Variants in EPB41L4A observed in about 807,000 individuals in gnomAD.
EPB41L4A encodes band 4.1-like protein 4A.
Under a neutral mutation model 108.6 loss-of-function variants are expected in EPB41L4A, and 100 were observed. That is an observed-to-expected ratio of 0.92 (90% confidence interval 0.78 to 1.09). EPB41L4A has a LOEUF of 1.09. EPB41L4A is among the 50% of genes least tolerant of loss of function. The pLI, the probability that EPB41L4A is intolerant of heterozygous loss-of-function variation, is 0.00. For missense variants in EPB41L4A, 1,030 were observed against 842.7 expected, an observed-to-expected ratio of 1.22 and a Z score of -2.75; for synonymous variants, 319 against 289.0, an observed-to-expected ratio of 1.10 and a Z score of -1.05.
rs538943682 is a variant in EPB41L4A, at chr5:112,208,589, G to T, written c.1178+1303C>A. Among the ~76,000 whole-genome samples the T allele has an allele frequency of 3.9e-5, 6 of 152,056 alleles. No homozygotes were observed. The South Asian group carries it at 1.2e-3, about 32-fold the overall frequency. ...TGGGGACCACTAGAGGAGGAGAGGG[G>T]GCAAGGGTTGAAAACTACCTATCAC... On this transcript the variant is annotated intron_variant, in intron 13 of 22. Transcript: ENST00000261486.
chr5:112,223,858 G>A (rs577205977), intron 12 of EPB41L4A, among the ~76,000 whole-genome samples: 2 of 152,286 alleles, frequency 1.3e-5, no homozygotes, highest in Admixed American at 6.5e-5. Context: ...TATTCATCTC[G>A]TCAGTTTGGA....
chr5:112,397,454 T>C (rs1761435229), intron 1 of EPB41L4A, among the ~76,000 whole-genome samples: 1 of 152,186 alleles, frequency 6.6e-6, no homozygotes, highest in South Asian at 2.1e-4. Context: ...CTGTGTTTGA[T>C]GCTGTGCAGA....
In EPB41L4A at chr5:112,164,078, C is replaced by T. The variant is rs1580347043; in HGVS notation, c.*912G>A. ...AGAGCAGGTGAATTAGATGGCCAAG[C>T]AGGGTGGATGGATCATTTGAGGTTT... On this transcript the variant is annotated 3_prime_UTR_variant, in exon 23 of 23. Transcript: ENST00000261486. 6.6e-6 allele frequency: 1 copy of T among 152,234 alleles called. No homozygotes were observed. The highest frequency in any genetic ancestry group is 2.4e-5 in the African/African-American group (1 of 41,440). The allele number at this position is 152,234 out of a possible 1,614,324, so 9.4% of individuals were successfully genotyped here.
At chr5:112,329,551 A>G (rs561217968) in intron 1 of EPB41L4A, among the ~76,000 whole-genome samples, 5 of 152,178 alleles carry the variant, frequency 3.3e-5, no homozygotes, top group Admixed American at 6.5e-5. Context: ...AACATCTAAT[A>G]CCAAGTCATC....
intron 1 of EPB41L4A, among the ~76,000 whole-genome samples, chr5:112,357,681 A>G (rs992487544): frequency 6.6e-6 from 1 of 152,218 alleles, no homozygotes; most frequent in Non-Finnish European, 1.5e-5. Context: ...CTTTACCTAC[A>G]CTGAGAAATG....
At position 112,381,157 on chromosome 5, in the gene EPB41L4A, A is replaced by G. The variant is rs150032250; in HGVS notation, c.99+37784T>C. On this transcript the variant is annotated intron_variant, in intron 1 of 22. Coordinates refer to ENST00000261486, the MANE Select transcript of EPB41L4A (RefSeq NM_022140.5). ...ATCAAGACTATAATACTGCTTCACA[A>G]CAGAGCCAGGTAGTTTCCTCAGATA... 2.0e-5 allele frequency among the ~76,000 whole-genome samples: 3 copies of G among 152,360 alleles called. No homozygotes were observed. The East Asian group carries it at 5.8e-4, about 29-fold the overall frequency.
chr5:112,179,709 T>C (rs1339650585), intron 18 of EPB41L4A, among the ~76,000 whole-genome samples: 1 of 152,176 alleles, frequency 6.6e-6, no homozygotes, highest in African/African-American at 2.4e-5. Context: ...TCATATATAA[T>C]GTGACATATT....
intron 1 of EPB41L4A, among the ~76,000 whole-genome samples, chr5:112,415,590 G>C (rs1039429993): frequency 6.6e-6 from 1 of 152,112 alleles, no homozygotes; most frequent in Non-Finnish European, 1.5e-5. Flanking sequence ...AAAGCAGTCT[G>C]AGCCACATTC....
At chr5:112,171,917 TG>T (rs1255032861) in intron 18 of EPB41L4A, among the ~76,000 whole-genome samples, 1 of 152,038 alleles carries the variant, frequency 6.6e-6, no homozygotes, top group East Asian at 1.9e-4. Context: ...TATTAGCATT[TG>T]GGGGGCTCAA....
chr5:112,272,388 G>T (rs149469274), intron 4 of EPB41L4A, among the ~76,000 whole-genome samples: 3 of 151,498 alleles, frequency 2.0e-5, no homozygotes, highest in African/African-American at 7.3e-5. Flanking sequence ...TGATCTGCCC[G>T]CCTTGGCCTC....
chr5:112,236,806 G>A (rs981743100), intron 11 of EPB41L4A, among the ~76,000 whole-genome samples: 1 of 152,178 alleles, frequency 6.6e-6, no homozygotes, highest in African/African-American at 2.4e-5. Context: ...GATTAGGGAC[G>A]CTTACTTTAC....
intron 1 of EPB41L4A, among the ~76,000 whole-genome samples, chr5:112,322,005 C>T (rs963898476): frequency 6.6e-6 from 1 of 152,142 alleles, no homozygotes; most frequent in Non-Finnish European, 1.5e-5. Context: ...TTCAACATTA[C>T]ATAAGTCATA....
At chr5:112,317,625 T>A (rs1755514114) in intron 1 of EPB41L4A, among the ~76,000 whole-genome samples, 1 of 152,212 alleles carries the variant, frequency 6.6e-6, no homozygotes, top group African/African-American at 2.4e-5. Context: ...CATAGAGTTT[T>A]CTAGCGGTCA....
At chr5:112,379,552 T>C (rs2112594151) in intron 1 of EPB41L4A, among the ~76,000 whole-genome samples, 2 of 152,320 alleles carry the variant, frequency 1.3e-5, no homozygotes, top group South Asian at 4.1e-4. Flanking sequence ...CTGATCATCC[T>C]GGAGTTTGGC....
intron 12 of EPB41L4A, chr5:112,228,831 G>A (rs1428047794): frequency 2.2e-5 from 16 of 726,304 alleles, no homozygotes; most frequent in Non-Finnish European, 2.7e-5. Flanking sequence ...GAATGCTCTG[G>A]CTGCCTGCCC....
chr5:112,361,719 T>C (rs200662415), intron 1 of EPB41L4A, among the ~76,000 whole-genome samples: 1 of 115,392 alleles, frequency 8.7e-6, no homozygotes, highest in Non-Finnish European at 1.9e-5. Flanking sequence ...AAAATAATAA[T>C]AATAATAATA....
chr5:112,335,293 C>A (rs1406764329), intron 1 of EPB41L4A, among the ~76,000 whole-genome samples: 2 of 152,274 alleles, frequency 1.3e-5, no homozygotes, highest in Non-Finnish European at 2.9e-5. Flanking sequence ...AAGGACCCTC[C>A]TTCTTGAACA....
At chr5:112,303,932 C>T (rs1754536128) in intron 2 of EPB41L4A, among the ~76,000 whole-genome samples, 1 of 152,038 alleles carries the variant, frequency 6.6e-6, no homozygotes, top group Non-Finnish European at 1.5e-5. Context: ...CACCCAAACA[C>T]TGACTGGAAA....
intron 1 of EPB41L4A, among the ~76,000 whole-genome samples, chr5:112,394,559 A>T (rs1003732309): frequency 6.6e-6 from 1 of 152,216 alleles, no homozygotes; most frequent in Non-Finnish European, 1.5e-5. Context: ...CTTCAAGGAG[A>T]ACTACAAACC....
Sources: gnomAD v4.1 joint callset for allele counts (sites outside exome capture counted in the v4.1 genomes callset) on GRCh38, gnomAD v4.1.1 for gene constraint, MANE v1.5 for transcripts, NCBI Gene and HGNC (gene_info 2026-07-23, HGNC 2026-07-21) for gene names.